Variants in NUAK1 observed in about 807,000 individuals in gnomAD.
The protein encoded by NUAK1 is NUAK family SNF1-like kinase 1.
Under a neutral mutation model 56.9 loss-of-function variants are expected in NUAK1, and 26 were observed. The ratio of observed to expected loss-of-function variants is 0.46; its 90% CI spans 0.33 to 0.63. The LOEUF (loss-of-function observed/expected upper bound fraction) is 0.63. Ranked by LOEUF, NUAK1 falls within the 30% of genes least tolerant of loss-of-function variation. The pLI, the probability that NUAK1 is intolerant of heterozygous loss-of-function variation, is 0.02. For synonymous variants in NUAK1, 337 were observed against 336.0 expected (o/e 1.00, Z -0.03); for missense variants, 727 against 876.1 (o/e 0.83, Z 2.15).
At chr12:106,071,624 T>A (rs951833580) in intron 5 of NUAK1, among the ~76,000 whole-genome samples, 6 of 152,208 alleles carry the variant, frequency 3.9e-5, no homozygotes, top group South Asian at 4.1e-4. Context: ...TCAATTTTTT[T>A]AATAAAAACT....
At chr12:106,108,354 G>A (rs1315683977) in intron 1 of NUAK1, among the ~76,000 whole-genome samples, 5 of 152,184 alleles carry the variant, frequency 3.3e-5, no homozygotes, top group African/African-American at 1.2e-4. Flanking sequence ...CTTCGACCCT[G>A]GGTGGACCCA....
At chr12:106,130,677 T>G (rs549579148) in intron 1 of NUAK1, among the ~76,000 whole-genome samples, 36 of 152,326 alleles carry the variant, frequency 2.4e-4, no homozygotes, top group African/African-American at 8.7e-4. Flanking sequence ...CCAGCCCGCG[T>G]CGTTCTCACA....
chr12:106,108,962 C>T (rs1323500487), intron 1 of NUAK1, among the ~76,000 whole-genome samples: 1 of 152,190 alleles, frequency 6.6e-6, no homozygotes, highest in African/African-American at 2.4e-5. Context: ...ACTAAAAGGG[C>T]TCCATAAATG....
At chr12:106,130,018 G>A (rs1489522805) in intron 1 of NUAK1, among the ~76,000 whole-genome samples, 13 of 151,234 alleles carry the variant, frequency 8.6e-5, no homozygotes, top group Admixed American at 7.3e-4. Context: ...GTCTGCCTCC[G>A]TCACCCAGAC....
rs1481627992 is a variant in NUAK1, at chr12:106,065,374, C to T, written c.*1428G>A. 6.6e-6 allele frequency: 1 copy of T among 152,044 alleles called. No individual in the cohort carries two copies. Among genetic ancestry groups the T allele is most frequent in the Non-Finnish European group, 1.5e-5 (1 of 68,014 alleles). The allele number at this position is 152,044 out of a possible 1,614,324, so 9.4% of individuals were successfully genotyped here. A position where few individuals can be genotyped will look rare whatever the true frequency, so the allele number is the denominator to read the frequency against. The stretch of plus-strand genomic sequence containing the variant: ...ACCTCTTTTCTGTCTCCCCCAGAAC[C>T]ATCTGGGTAACATCTAAGGAAATGT... On this transcript the variant is annotated 3_prime_UTR_variant, in exon 7 of 7. Coordinates refer to ENST00000261402, the MANE Select transcript of NUAK1 (RefSeq NM_014840.3).
intron 1 of NUAK1, 43 bp from the exon 2 acceptor site, chr12:106,106,568 G>A (rs1158147727): frequency 1.9e-6 from 3 of 1,573,676 alleles, no homozygotes; most frequent in Non-Finnish European, 1.7e-6. Context: ...GAGCTAAACA[G>A]ATGCAAATCA....
chr12:106,137,557 C>G (rs1397246062), intron 1 of NUAK1, among the ~76,000 whole-genome samples: 2 of 152,210 alleles, frequency 1.3e-5, no homozygotes, highest in African/African-American at 4.8e-5. Flanking sequence ...AAAATAACAA[C>G]AAACCAAGGC....
intron 5 of NUAK1, among the ~76,000 whole-genome samples, chr12:106,072,116 A>G (rs922879108): frequency 2.0e-5 from 3 of 152,222 alleles, no homozygotes; most frequent in Non-Finnish European, 2.9e-5. Context: ...ATGTCATTAA[A>G]ATGTATTTCC....
chr12:106,072,076 T>C (rs1273636812), intron 5 of NUAK1, among the ~76,000 whole-genome samples: 2 of 152,238 alleles, frequency 1.3e-5, no homozygotes, highest in Non-Finnish European at 2.9e-5. Context: ...CGCTAGCATG[T>C]AGGGAAATGT....
At chr12:106,087,404 C>G (rs1344676719) in intron 2 of NUAK1, among the ~76,000 whole-genome samples, 1 of 152,202 alleles carries the variant, frequency 6.6e-6, no homozygotes, top group Non-Finnish European at 1.5e-5. Context: ...CCATGGGCCC[C>G]TCTCAGCCCT....
intron 1 of NUAK1, among the ~76,000 whole-genome samples, chr12:106,118,486 T>G (rs557962455): frequency 6.6e-6 from 1 of 152,238 alleles, no homozygotes; most frequent in Admixed American, 6.5e-5. Flanking sequence ...CTAGCTCAGA[T>G]AGCAGATTGC....
At position 106,067,556 on chromosome 12, in the gene NUAK1, G is replaced by A. The variant is rs2032356943; in HGVS notation, c.1232C>T (p.Ser411Phe). Residue 411 changes from serine to phenylalanine, a missense_variant, in exon 7 of 7, where the codon TCT (serine) becomes TTT (phenylalanine). By Grantham distance (155) the Ser-to-Phe change is radical (BLOSUM62 -2). Transcript: ENST00000261402. The surrounding 1 kb of genome is among the most constrained non-coding windows in gnomAD (Gnocchi z 6.0). ...LKKRSNSEHR[S>F]HSTGFIEGVV... Reference sequence around the variant, plus strand: ...ACCTTCAATGAAGCCAGTGCTGTGAGAGCGATGCTCGCTGTTGCTTCGCTT... The same window carrying A: ...ACCTTCAATGAAGCCAGTGCTGTGAAAGCGATGCTCGCTGTTGCTTCGCTT... The A allele has an allele frequency of 1.2e-6, 2 of 1,614,254 alleles. No homozygotes were observed. Among genetic ancestry groups the A allele is most frequent in the Non-Finnish European group, 1.7e-6 (2 of 1,180,044 alleles).
intron 2 of NUAK1, among the ~76,000 whole-genome samples, chr12:106,100,421 C>T (rs1027150257): frequency 6.6e-6 from 1 of 152,114 alleles, no homozygotes; most frequent in Non-Finnish European, 1.5e-5. Context: ...TATGGCATTC[C>T]CAGGACTCTG....
chr12:106,077,797 A>T (rs1447430414), intron 4 of NUAK1, among the ~76,000 whole-genome samples: 1 of 152,222 alleles, frequency 6.6e-6, no homozygotes, highest in African/African-American at 2.4e-5. Flanking sequence ...ACGCACTTGC[A>T]CATTAGCCAT....
Position 106,083,884 on chromosome 12 carries a change from C to T in NUAK1, c.559G>A (p.Asp187Asn), listed in dbSNP as rs770705202. 3.1e-6 allele frequency: 5 copies of T among 1,614,018 alleles called. No individual in the cohort carries two copies. In the South Asian group the frequency reaches 4.4e-5, roughly 14 times the overall value. The stretch of plus-strand genomic sequence containing the variant: ...TTTACCTTAATATTGCAGTTGTCAT[C>T]GAGCAGTATATTTTCCAGCTTCAAG... ...RDLKLENILLDDNCNIKIADF... is the reference protein window; with the variant it reads ...RDLKLENILLNDNCNIKIADF... Residue 187 changes from aspartate (D) to asparagine (N), a missense_variant, in exon 4 of 7, where the codon GAT becomes AAT. Physicochemically the swap from Asp to Asn is conservative, Grantham distance 23 (BLOSUM62 1). Transcript: ENST00000261402.
rs1169441277 is a variant in NUAK1, at chr12:106,063,882, A to C, written c.*2920T>G. Reference sequence around the variant, plus strand: ...GAAAAGTGCTCCCCATCATCTGAAGAAGCAGCACCTGGTAACAGGCATGGC... The same window carrying C: ...GAAAAGTGCTCCCCATCATCTGAAGCAGCAGCACCTGGTAACAGGCATGGC... On this transcript the variant is annotated 3_prime_UTR_variant, in exon 7 of 7. Coordinates refer to ENST00000261402, the MANE Select transcript of NUAK1 (RefSeq NM_014840.3). The C allele has an allele frequency of 1.3e-5, 2 of 152,662 alleles. No individual in the cohort carries two copies. The highest frequency in any genetic ancestry group is 4.8e-5 in the African/African-American group (2 of 41,458). The allele number at this position is 152,662 out of a possible 1,614,324, so 9.5% of individuals were successfully genotyped here.
At chr12:106,093,440 A>G (rs948125047) in intron 2 of NUAK1, among the ~76,000 whole-genome samples, 2 of 152,228 alleles carry the variant, frequency 1.3e-5, no homozygotes, top group African/African-American at 4.8e-5. Context: ...TCGGTTTGAC[A>G]GTCCCGTTCT....
intron 1 of NUAK1, among the ~76,000 whole-genome samples, chr12:106,110,201 A>G (rs1275518918): frequency 1.3e-5 from 2 of 152,220 alleles, no homozygotes; most frequent in Admixed American, 6.5e-5. Flanking sequence ...TCCTTTCACC[A>G]TTCAGCTGAA....
intron 6 of NUAK1, among the ~76,000 whole-genome samples, chr12:106,068,617 G>GAAGTGATCTAT (rs2032370276): frequency 6.6e-6 from 1 of 152,214 alleles, no homozygotes; most frequent in Non-Finnish European, 1.5e-5. Flanking sequence ...TCAGATCAGA[G>GAAGTGATCTAT]AAGTGATCTA....
Sources: gnomAD v4.1 joint callset for allele counts (sites outside exome capture counted in the v4.1 genomes callset) on GRCh38, gnomAD v4.1.1 for gene constraint, Gnocchi (gnomAD v3.1) non-coding constraint, MANE v1.5 for transcripts, NCBI Gene and HGNC (gene_info 2026-07-23, HGNC 2026-07-21) for gene names.